Variants in TSHZ2 observed in about 807,000 individuals in gnomAD.
TSHZ2 encodes teashirt homolog 2.
In TSHZ2, 21 loss-of-function variants were observed where a neutral mutation model predicts 74.4. The ratio of observed to expected loss-of-function variants is 0.28; its 90% CI spans 0.20 to 0.41. The LOEUF is 0.41. TSHZ2 is among the 10% of genes least tolerant of loss of function. The probability of loss-of-function intolerance (pLI) is 1.00; values close to 1 mark genes in which losing one functional copy is unlikely to be tolerated. For missense variants in TSHZ2, 1,244 were observed against 1,293.5 expected, an observed-to-expected ratio of 0.96 and a Z score of 0.59; for synonymous variants, 540 against 515.3, an observed-to-expected ratio of 1.05 and a Z score of -0.65.
At chr20:53,015,708 G>T (rs1380722100) in intron 1 of TSHZ2, among the ~76,000 whole-genome samples, 2 of 152,226 alleles carry the variant, frequency 1.3e-5, no homozygotes, top group East Asian at 1.9e-4. Flanking sequence ...TGGAAGAAAT[G>T]GAATCAGAAT....
rs1016978987 is a variant in TSHZ2, at chr20:52,973,002, AAAAG to A, written c.-290_-287del. The A allele has an allele frequency of 2.5e-6, 1 of 394,238 alleles. No homozygotes were observed. The highest frequency in any genetic ancestry group is 2.1e-5 in the African/African-American group (1 of 47,160). The allele number at this position is 394,238 out of a possible 1,614,324, so 24.4% of individuals were successfully genotyped here. A position where few individuals can be genotyped will look rare whatever the true frequency, so the allele number is the denominator to read the frequency against. ...AAAAAAATTCCAAAAGCAAAAACAA[AAAAG>A]AGAGAGGAAAAAAAATTCAAAATAA... On this transcript the variant is annotated 5_prime_UTR_variant, in exon 1 of 3. It introduces an in-frame stop codon into an upstream open reading frame of the 5' UTR. Transcript: ENST00000371497.
chr20:53,471,556 C>T (rs1017279660), intron 2 of TSHZ2, among the ~76,000 whole-genome samples: 10 of 152,146 alleles, frequency 6.6e-5, no homozygotes, highest in African/African-American at 2.4e-4. Context: ...TAAGAAAAGA[C>T]TTATTTGAGA....
chr20:53,229,813 G>GAAAA (rs908950868), intron 1 of TSHZ2, among the ~76,000 whole-genome samples: 2 of 146,002 alleles, frequency 1.4e-5, no homozygotes, highest in Non-Finnish European at 3.0e-5. Context: ...AGGAAGGAAG[G>GAAAA]AAAAAAAGAG....
At chr20:53,103,276 G>C (rs573742796) in intron 1 of TSHZ2, among the ~76,000 whole-genome samples, 2 of 152,226 alleles carry the variant, frequency 1.3e-5, no homozygotes, top group East Asian at 3.9e-4. Context: ...AGCAAAAATG[G>C]GTATCTTTTG....
chr20:53,159,149 A>G (rs1167867588), intron 1 of TSHZ2, among the ~76,000 whole-genome samples: 1 of 152,234 alleles, frequency 6.6e-6, no homozygotes, highest in Non-Finnish European at 1.5e-5. Flanking sequence ...AATCCTAAGT[A>G]AACTGAGTCC....
At chr20:53,033,634 CATTG>C (rs1213401216) in intron 1 of TSHZ2, among the ~76,000 whole-genome samples, 2 of 126,494 alleles carry the variant, frequency 1.6e-5, no homozygotes, top group African/African-American at 3.0e-5. Context: ...TCGCCCTCTG[CATTG>C]ATTGATAAAA....
At chr20:53,160,490 CG>C (rs1015883900) in intron 1 of TSHZ2, among the ~76,000 whole-genome samples, 1 of 152,008 alleles carries the variant, frequency 6.6e-6, no homozygotes, top group African/African-American at 2.4e-5. Context: ...TTTTCAGGGC[CG>C]GGGGCAGTGG....
chr20:53,032,206 G>A (rs988965364), intron 1 of TSHZ2, among the ~76,000 whole-genome samples: 1 of 152,164 alleles, frequency 6.6e-6, no homozygotes, highest in Non-Finnish European at 1.5e-5. Flanking sequence ...GAACAACATT[G>A]CTTTGCGTCT....
intron 1 of TSHZ2, among the ~76,000 whole-genome samples, chr20:53,242,246 C>T (rs117696990): frequency 0.015 from 2,248 of 152,142 alleles, 34 homozygotes; most frequent in South Asian, 0.026. Flanking sequence ...CCAGCAACAC[C>T]GCTTCTCTAG....
intron 1 of TSHZ2, among the ~76,000 whole-genome samples, chr20:53,237,895 C>T (rs767613394): frequency 5.0e-4 from 76 of 152,042 alleles, no homozygotes; most frequent in Admixed American, 3.9e-3. Context: ...GTACTCGAGA[C>T]GGGTACAGTC....
At chr20:53,090,523 A>G in intron 1 of TSHZ2, among the ~76,000 whole-genome samples, 1 of 152,180 alleles carries the variant, frequency 6.6e-6, no homozygotes, top group South Asian at 2.1e-4. Context: ...CAATTGAAAG[A>G]TTTTAAGCAG....
chr20:53,440,150 T>G (rs1257196377), intron 2 of TSHZ2, among the ~76,000 whole-genome samples: 7 of 151,994 alleles, frequency 4.6e-5, no homozygotes, highest in Admixed American at 4.6e-4. Context: ...TTTGGAAATG[T>G]TTTTTCATCT....
chr20:52,996,594 A>G (rs898978175), intron 1 of TSHZ2, among the ~76,000 whole-genome samples: 2 of 152,102 alleles, frequency 1.3e-5, no homozygotes, highest in African/African-American at 4.8e-5. Context: ...GGGATTGTTC[A>G]GAGACTAACT....
intron 2 of TSHZ2, among the ~76,000 whole-genome samples, chr20:53,259,038 G>C (rs1460396739): frequency 6.6e-6 from 1 of 152,052 alleles, no homozygotes; most frequent in Non-Finnish European, 1.5e-5. Context: ...GGTCACCTTA[G>C]AAAAAAATGC....
At chr20:53,119,582 A>G (rs1568768680) in intron 1 of TSHZ2, among the ~76,000 whole-genome samples, 1 of 152,236 alleles carries the variant, frequency 6.6e-6, no homozygotes, top group Admixed American at 6.5e-5. Context: ...GCTATGTTTT[A>G]TGAAATACAC....
At chr20:53,000,595 G>A (rs1284680926) in intron 1 of TSHZ2, among the ~76,000 whole-genome samples, 4 of 152,140 alleles carry the variant, frequency 2.6e-5, no homozygotes, top group Non-Finnish European at 5.9e-5. Context: ...AATACAGGCA[G>A]TATGGAGATA....
At chr20:53,394,859 CAAA>C (rs1005992034) in intron 2 of TSHZ2, among the ~76,000 whole-genome samples, 19 of 44,126 alleles carry the variant, frequency 4.3e-4, no homozygotes, top group East Asian at 2.5e-3. Context: ...CAGAACTCAC[CAAA>C]AAAAAAAAAA....
At chr20:53,356,222 C>T (rs936805403) in intron 2 of TSHZ2, among the ~76,000 whole-genome samples, 1 of 152,192 alleles carries the variant, frequency 6.6e-6, no homozygotes, top group Non-Finnish European at 1.5e-5. Flanking sequence ...TTTACACATA[C>T]TACCCTATGA....
chr20:53,309,799 C>G (rs1033414489), intron 2 of TSHZ2, among the ~76,000 whole-genome samples: 2 of 152,272 alleles, frequency 1.3e-5, no homozygotes. Flanking sequence ...GAGTAGGAAC[C>G]CTTCTGACTT....
Sources: gnomAD v4.1 joint callset for allele counts (sites outside exome capture counted in the v4.1 genomes callset) on GRCh38, gnomAD v4.1.1 for gene constraint, MANE v1.5 for transcripts, NCBI Gene and HGNC (gene_info 2026-07-23, HGNC 2026-07-21) for gene names.